The following GALNT1 variants were observed in gnomAD, a reference collection of about 807,000 sequenced individuals.
The protein encoded by GALNT1 is GalNAc transferase 1.
A neutral mutation model predicts 65.7 loss-of-function variants in GALNT1; 17 were observed. That is an observed-to-expected ratio of 0.26 (90% CI 0.18 to 0.39). The LOEUF (loss-of-function observed/expected upper bound fraction) is 0.39. Ranked by LOEUF, GALNT1 falls within the 10% of genes least tolerant of loss-of-function variation. The pLI is 1.00. For missense variants in GALNT1, 460 were observed against 672.8 expected (o/e 0.68, Z 3.50); for synonymous variants, 210 against 219.7 (o/e 0.96, Z 0.39).
chr18:35,640,128 G>C (rs2047142444), intron 1 of GALNT1, among the ~76,000 whole-genome samples: 1 of 152,088 alleles, frequency 6.6e-6, no homozygotes, highest in African/African-American at 2.4e-5. Flanking sequence ...GCAGTATTTG[G>C]AATATTATTT....
chr18:35,635,136 G>A (rs1013017524), intron 1 of GALNT1, among the ~76,000 whole-genome samples: 4 of 152,164 alleles, frequency 2.6e-5, no homozygotes, highest in African/African-American at 9.7e-5. Context: ...GCAGGAAGAA[G>A]GTAAATGGTA....
intron 1 of GALNT1, among the ~76,000 whole-genome samples, chr18:35,640,897 C>A (rs1400119035): frequency 1.3e-5 from 2 of 152,146 alleles, no homozygotes; most frequent in Non-Finnish European, 2.9e-5. Flanking sequence ...ATGGGAAAAG[C>A]AAACCTTTAA....
intron 1 of GALNT1, chr18:35,596,826 T>C (rs1218989689): frequency 3.3e-5 from 5 of 152,306 alleles, no homozygotes; most frequent in African/African-American, 1.2e-4. Context: ...CAAGACTTGC[T>C]GTTCTTATCC....
At chr18:35,636,121 C>T (rs1375914282) in intron 1 of GALNT1, among the ~76,000 whole-genome samples, 1 of 152,166 alleles carries the variant, frequency 6.6e-6, no homozygotes, top group African/African-American at 2.4e-5. Flanking sequence ...TGGATGGTGA[C>T]AGTCCCCTGC....
intron 1 of GALNT1, among the ~76,000 whole-genome samples, chr18:35,648,915 T>C (rs538227049): frequency 1.6e-3 from 237 of 152,360 alleles, no homozygotes; most frequent in Non-Finnish European, 2.8e-3. Context: ...TGGCAGCCGC[T>C]GATCTGATTT....
At chr18:35,689,681 GA>G (rs1030986418) in intron 7 of GALNT1, among the ~76,000 whole-genome samples, 3 of 151,920 alleles carry the variant, frequency 2.0e-5, no homozygotes, top group African/African-American at 7.3e-5. Flanking sequence ...ATTTTAGTGT[GA>G]AAATTTTTTT....
intron 3 of GALNT1, among the ~76,000 whole-genome samples, chr18:35,676,734 G>A (rs2047716137): frequency 1.3e-5 from 2 of 152,078 alleles, no homozygotes. Context: ...TGTTTAGGGG[G>A]GCTTATGTTC....
intron 1 of GALNT1, among the ~76,000 whole-genome samples, chr18:35,623,787 A>T (rs534756521): frequency 1.4e-4 from 21 of 152,290 alleles, no homozygotes; most frequent in African/African-American, 5.1e-4. Context: ...TTGTTTGATA[A>T]GAGTTTCCTC....
Position 35,697,126 on chromosome 18 carries a change from G to C in GALNT1, c.1299+4806G>C, listed in dbSNP as rs16967016. 5.0e-3 allele frequency among the ~76,000 whole-genome samples: 763 copies of C among 152,286 alleles called. 8 individuals are homozygous for C. The highest frequency in any genetic ancestry group is 0.017 in the African/African-American group (711 of 41,536). On this transcript the variant is annotated intron_variant, in intron 9 of 11. Coordinates refer to ENST00000269195, the MANE Select transcript of GALNT1 (RefSeq NM_020474.4). The stretch of plus-strand genomic sequence containing the variant: ...GGGGGGTTGAAGAGTTGCTGGGTCT[G>C]TGGATAAAGGAAAGAAAACCAACGG...
intron 1 of GALNT1, among the ~76,000 whole-genome samples, chr18:35,615,310 A>G (rs2046769385): frequency 6.6e-6 from 1 of 152,222 alleles, no homozygotes; most frequent in South Asian, 2.1e-4. Flanking sequence ...GAAAGCTAAT[A>G]CATGACAGAG....
chr18:35,704,090 T>C (rs2048212970), intron 11 of GALNT1, among the ~76,000 whole-genome samples: 1 of 152,214 alleles, frequency 6.6e-6, no homozygotes, highest in African/African-American at 2.4e-5. Flanking sequence ...CTGGAACCTT[T>C]CTCTCCACCA....
intron 3 of GALNT1, among the ~76,000 whole-genome samples, chr18:35,669,310 T>C (rs1167644653): frequency 1.3e-5 from 2 of 152,224 alleles, no homozygotes; most frequent in Non-Finnish European, 2.9e-5. Flanking sequence ...CAGGCATAGA[T>C]GGCTTTGCCA....
chr18:35,693,119 G>T (rs555877856), intron 9 of GALNT1, among the ~76,000 whole-genome samples: 1 of 152,180 alleles, frequency 6.6e-6, no homozygotes, highest in African/African-American at 2.4e-5. Flanking sequence ...GTGAGCGTGG[G>T]TAGTAGTACT....
chr18:35,697,837 T>C (rs2048085095), intron 9 of GALNT1, among the ~76,000 whole-genome samples: 1 of 152,248 alleles, frequency 6.6e-6, no homozygotes, highest in Admixed American at 6.5e-5. Context: ...TTCTAGATTG[T>C]TTTGGCTTGA....
At chr18:35,678,335 C>T (rs1325766414) in intron 4 of GALNT1, among the ~76,000 whole-genome samples, 1 of 143,126 alleles carries the variant, frequency 7.0e-6, no homozygotes, top group Non-Finnish European at 1.5e-5. Context: ...TAAATCTCTA[C>T]AGACTCTTGC....
chr18:35,635,378 T>G (rs2047075742), intron 1 of GALNT1, among the ~76,000 whole-genome samples: 1 of 152,156 alleles, frequency 6.6e-6, no homozygotes, highest in African/African-American at 2.4e-5. Flanking sequence ...CAGGTACACA[T>G]AATAAATCTT....
chr18:35,707,348 C>T (rs2048279853), intron 11 of GALNT1, among the ~76,000 whole-genome samples: 2 of 152,180 alleles, frequency 1.3e-5, no homozygotes, highest in African/African-American at 4.8e-5. Flanking sequence ...TTGTCACTTG[C>T]TTGTCCTGAT....
chr18:35,664,301 T>C (rs924444547), intron 3 of GALNT1: 4 of 152,416 alleles, frequency 2.6e-5, no homozygotes, highest in Admixed American at 2.6e-4. Context: ...TCTCTAAACA[T>C]AGATTAGTTT....
At chr18:35,664,039 G>T in intron 3 of GALNT1, 1 of 446,738 alleles carries the variant, frequency 2.2e-6, no homozygotes, top group Non-Finnish European at 4.0e-6. Flanking sequence ...TGGATTAGAA[G>T]GGGATTTTAA....
Sources: allele counts gnomAD v4.1 joint callset (sites outside exome capture counted in the v4.1 genomes callset), GRCh38; gene constraint gnomAD v4.1.1; transcripts MANE v1.5; gene names NCBI Gene and HGNC (gene_info 2026-07-23, HGNC 2026-07-21).